KDM6A: variants seen among roughly 807,000 people sequenced by gnomAD.
KDM6A encodes lysine-specific demethylase 6A.
Under a neutral mutation model 117.6 loss-of-function variants are expected in KDM6A, and 11 were observed. The ratio of observed to expected loss-of-function variants is 0.09; its 90% CI spans 0.06 to 0.15. KDM6A has a LOEUF of 0.15. Among genes scored for constraint, KDM6A ranks in the 10% least tolerant of loss-of-function variants. The pLI, the probability that KDM6A is intolerant of heterozygous loss-of-function variation, is 1.00. For missense variants in KDM6A, 799 were observed against 1,077.3 expected (o/e 0.74, Z 3.62); for synonymous variants, 384 against 396.1 (o/e 0.97, Z 0.36).
At chrX:45,098,709 C>A (rs895126106) in intron 27 of KDM6A, among the ~76,000 whole-genome samples, 10 of 112,099 alleles carry the variant, frequency 8.9e-5, no homozygotes, top group African/African-American at 3.2e-4. Flanking sequence ...TAGGCAATCA[C>A]TGCTAAGGTA....
chrX:45,050,208 A>G (rs1225465906), intron 8 of KDM6A, among the ~76,000 whole-genome samples: 1 of 112,665 alleles, frequency 8.9e-6, no homozygotes, highest in African/African-American at 3.2e-5. Flanking sequence ...GCGTGGTGGC[A>G]CATGCCTATA....
intron 2 of KDM6A, among the ~76,000 whole-genome samples, chrX:44,889,139 C>G (rs1267989384): frequency 8.9e-6 from 1 of 111,972 alleles, no homozygotes. Flanking sequence ...CTTCAGCCTC[C>G]CAGGTAGCTG....
At chrX:44,984,131 TGG>T (rs1356681429) in intron 4 of KDM6A, among the ~76,000 whole-genome samples, 11 of 109,986 alleles carry the variant, frequency 1.0e-4, no homozygotes, top group East Asian at 5.6e-4. Context: ...TATCTCATTG[TGG>T]TTTTGATTTG....
At chrX:45,105,714 C>G (rs1488469185) in intron 27 of KDM6A, among the ~76,000 whole-genome samples, 1 of 112,210 alleles carries the variant, frequency 8.9e-6, no homozygotes, top group East Asian at 2.8e-4. Flanking sequence ...AATAGCTGTC[C>G]TAACCTTGAC....
Position 44,922,658 on chromosome X carries a change from A to C in KDM6A, c.226-38626A>C, listed in dbSNP as rs148999217. Among the ~76,000 whole-genome samples, 601 of 111,059 alleles carry C rather than the reference A, an allele frequency of 5.4e-3. 3 individuals carry two copies. Among genetic ancestry groups the C allele is most frequent in the African/African-American group, 0.018 (554 of 30,539 alleles). On this transcript the variant is annotated intron_variant, in intron 2 of 29. Coordinates refer to ENST00000611820, the MANE Select transcript of KDM6A (RefSeq NM_001291415.2). ...TAAGTTTTGTGTTTTTAGTAGAGAC[A>C]GAGTTTCGCCATGTTGGCCAGGCTG...
intron 21 of KDM6A, among the ~76,000 whole-genome samples, chrX:45,081,112 A>G (rs1444103731): frequency 2.7e-5 from 3 of 111,476 alleles, no homozygotes; most frequent in Non-Finnish European, 5.7e-5. Flanking sequence ...TTGTATTTGT[A>G]GTAGAGACGG....
chrX:45,033,723 T>C (rs907030230), intron 6 of KDM6A, among the ~76,000 whole-genome samples: 2 of 109,951 alleles, frequency 1.8e-5, no homozygotes, highest in Non-Finnish European at 3.8e-5. Context: ...ACGGCTAATT[T>C]TTTATTTTTA....
At chrX:45,035,026 G>T (rs754378965) in intron 7 of KDM6A, 41 bp downstream of exon 7, 3 of 967,598 alleles carry the variant, frequency 3.1e-6, no homozygotes, top group Admixed American at 2.2e-5. Context: ...CATGTATTCC[G>T]ATCACTTCAT....
At chrX:44,991,213 G>A (rs1186808950) in intron 4 of KDM6A, among the ~76,000 whole-genome samples, 1 of 111,815 alleles carries the variant, frequency 8.9e-6, no homozygotes, top group Non-Finnish European at 1.9e-5. Flanking sequence ...TCAATCAAAG[G>A]TTTGTAAATT....
intron 2 of KDM6A, among the ~76,000 whole-genome samples, chrX:44,882,469 G>T (rs998177937): frequency 2.7e-5 from 3 of 112,162 alleles, no homozygotes; most frequent in Non-Finnish European, 3.8e-5. Context: ...CTGTATGGAA[G>T]TTAAGAAATA....
At chrX:44,996,763 C>T (rs756021002) in intron 4 of KDM6A, among the ~76,000 whole-genome samples, 18 of 111,411 alleles carry the variant, frequency 1.6e-4, no homozygotes, top group East Asian at 2.8e-4. Context: ...ATTTACTCAG[C>T]GGCAAGACTT....
chrX:44,886,559 G>A (rs921868190), intron 2 of KDM6A, among the ~76,000 whole-genome samples: 7 of 104,161 alleles, frequency 6.7e-5, no homozygotes, highest in Admixed American at 3.2e-4. Flanking sequence ...GCAGGATCTC[G>A]GCTCACTGCA....
At chrX:44,892,018 G>T (rs1396247695) in intron 2 of KDM6A, among the ~76,000 whole-genome samples, 3 of 112,442 alleles carry the variant, frequency 2.7e-5, no homozygotes, top group Admixed American at 9.5e-5. Context: ...ATGGCTAGCA[G>T]ATATTTAAGA....
At chrX:44,975,797 TTTA>T (rs2039589247) in intron 4 of KDM6A, among the ~76,000 whole-genome samples, 2 of 111,742 alleles carry the variant, frequency 1.8e-5, no homozygotes, top group Non-Finnish European at 3.8e-5. Context: ...CCCACAGGTG[TTTA>T]CACCAGATGT....
intron 4 of KDM6A, among the ~76,000 whole-genome samples, chrX:44,986,122 C>T (rs1268359515): frequency 2.7e-5 from 3 of 111,535 alleles, no homozygotes; most frequent in African/African-American, 9.8e-5. Flanking sequence ...TCAACTTCTT[C>T]CTGGTTTAGT....
At chrX:44,989,576 A>G (rs2040461195) in intron 4 of KDM6A, among the ~76,000 whole-genome samples, 1 of 111,733 alleles carries the variant, frequency 8.9e-6, no homozygotes, top group Non-Finnish European at 1.9e-5. Context: ...TGAGGAGGAA[A>G]CACGTAAACA....
chrX:44,978,089 T>C (rs2039703101), intron 4 of KDM6A, among the ~76,000 whole-genome samples: 1 of 112,378 alleles, frequency 8.9e-6, no homozygotes, highest in Non-Finnish European at 1.9e-5. Context: ...GTCTTCTACA[T>C]TGCCCTTGTA....
chrX:44,985,085 C>G (rs1366171743), intron 4 of KDM6A, among the ~76,000 whole-genome samples: 1 of 109,912 alleles, frequency 9.1e-6, no homozygotes, highest in East Asian at 2.8e-4. Context: ...TCTTTTATTT[C>G]ATTGAGCAGT....
chrX:45,082,851 G>C (rs1475842201), intron 23 of KDM6A, 62 bp downstream of exon 23: 2 of 725,572 alleles, frequency 2.8e-6, no homozygotes, highest in Admixed American at 2.4e-5. Context: ...GCTAGATTGG[G>C]AATTCTCTAC....
Sources: gnomAD v4.1 joint callset for allele counts (sites outside exome capture counted in the v4.1 genomes callset) on GRCh38, gnomAD v4.1.1 for gene constraint, MANE v1.5 for transcripts, NCBI Gene and HGNC (gene_info 2026-07-23, HGNC 2026-07-21) for gene names.